ABHD5: variants seen among roughly 807,000 people sequenced by gnomAD.
ABHD5 encodes the protein abhydrolase domain containing 5, lysophosphatidic acid acyltransferase, also known as 1-acylglycerol-3-phosphate O-acyltransferase ABHD5.
In ABHD5, 30 loss-of-function variants were observed where a neutral mutation model predicts 44.9. The ratio of observed to expected loss-of-function variants is 0.67; its 90% CI spans 0.50 to 0.91. The LOEUF is 0.91. Among genes scored for constraint, ABHD5 ranks in the 40% least tolerant of loss-of-function variants. The pLI is 0.00. For missense variants in ABHD5, 399 were observed against 423.4 expected, an observed-to-expected ratio of 0.94 and a Z score of 0.50; for synonymous variants, 167 against 147.0, an observed-to-expected ratio of 1.14 and a Z score of -0.99.
chr3:43,726,579 T>C (rs1185549358), downstream of ABHD5, among the ~76,000 whole-genome samples: 1 of 152,228 alleles, frequency 6.6e-6, no homozygotes. Flanking sequence ...ATCTTTGTGA[T>C]GCACAATGAC....
intron 5 of ABHD5, among the ~76,000 whole-genome samples, chr3:43,716,692 C>T (rs561603535): frequency 1.3e-5 from 2 of 152,144 alleles, no homozygotes; most frequent in Non-Finnish European, 2.9e-5. Context: ...CTACACACTT[C>T]CAACAGTTTT....
chr3:43,727,547 G>A (rs774335036), downstream of ABHD5, among the ~76,000 whole-genome samples: 5 of 152,178 alleles, frequency 3.3e-5, no homozygotes, highest in Non-Finnish European at 7.3e-5. Context: ...CTCTAGAAGT[G>A]TAAATGAGAA....
chr3:43,714,489 G>A (rs965993878), intron 4 of ABHD5, among the ~76,000 whole-genome samples: 1 of 151,990 alleles, frequency 6.6e-6, no homozygotes, highest in Non-Finnish European at 1.5e-5. Flanking sequence ...ACCTTAGCAG[G>A]GAGTCTCGCT....
chr3:43,702,694 C>A, intron 3 of ABHD5, 107 bp downstream of exon 3: 1 of 1,519,144 alleles, frequency 6.6e-7, no homozygotes, highest in Non-Finnish European at 9.1e-7. Context: ...GGCAGACATT[C>A]TCTTAAAGGA....
chr3:43,726,964 A>G (rs1053318931), downstream of ABHD5, among the ~76,000 whole-genome samples: 2 of 152,170 alleles, frequency 1.3e-5, no homozygotes, highest in African/African-American at 4.8e-5. Context: ...TTTTGGTGGC[A>G]CTTGAACTCT....
intron 4 of ABHD5, among the ~76,000 whole-genome samples, chr3:43,712,530 G>A (rs1395501132): frequency 6.6e-6 from 1 of 152,132 alleles, no homozygotes; most frequent in African/African-American, 2.4e-5. Flanking sequence ...CACAGATAAT[G>A]ATGTTCTGAA....
chr3:43,711,844 A>G lies in ABHD5; in HGVS notation c.642A>G (p.Leu214=), dbSNP rs1370870533. The stretch of plus-strand genomic sequence containing the variant: ...CTCCCTTTAACCCTTTAGCTGGCCT[A>G]AGGATTGCAGGACCCTTTGGTGAGT... ...ALTPFNPLAG[L]RIAGPFGLSL... Residue 214 remains leucine, a synonymous_variant, in exon 4 of 7, where the codon CTA becomes CTG. Coordinates refer to ENST00000644371, the MANE Select transcript of ABHD5 (RefSeq NM_016006.6). 6.2e-7 allele frequency: 1 copy of G among 1,614,206 alleles called. No homozygotes were observed. The highest frequency in any genetic ancestry group is 8.5e-7 in the Non-Finnish European group (1 of 1,180,024).
Position 43,691,026 on chromosome 3 carries a change from G to C in ABHD5, c.34G>C (p.Asp12His). ...GGAGGAGGAGGAGGTGGACTCTGCC[G>C]ACACCGGAGAGAGGTAAGCGCAGCC... ...AAEEEEVDSA[D>H]TGERSGWLTG... Residue 12 changes from aspartate (D) to histidine (H), a missense_variant, in exon 1 of 7, where the codon GAC becomes CAC. Physicochemically the swap from Asp to His is moderately conservative, Grantham distance 81. Transcript: ENST00000644371. The C allele has an allele frequency of 6.4e-7, 1 of 1,562,558 alleles. No individual in the cohort carries two copies. Among genetic ancestry groups the C allele is most frequent in the Non-Finnish European group, 8.6e-7 (1 of 1,156,866 alleles).
rs2084557528 is a variant in ABHD5, at chr3:43,702,563, C to T, written c.482C>T (p.Ala161Val). 1.9e-6 allele frequency: 3 copies of T among 1,614,202 alleles called. No individual in the cohort carries two copies. The highest frequency in any genetic ancestry group is 2.5e-6 in the Non-Finnish European group (3 of 1,180,042). The change falls in exon 3 of 7, where the codon GCT (alanine) becomes GTT (valine). Residue 161 changes from alanine (A) to valine (V), a missense_variant. Ala to Val is a moderately conservative substitution (Grantham distance 64, BLOSUM62 0). Transcript: ENST00000644371. Reference protein sequence around the residue: ...GHNLGGFLAAAYSLKYPSRVN... With the variant: ...GHNLGGFLAAVYSLKYPSRVN... ...AACCTAGGTGGATTCTTGGCTGCTG[C>T]TTACTCGCTGAAGTACCCATCAAGG...
At chr3:43,701,182 C>T (rs907192682) in intron 2 of ABHD5, among the ~76,000 whole-genome samples, 3 of 152,140 alleles carry the variant, frequency 2.0e-5, no homozygotes, top group African/African-American at 7.2e-5. Context: ...AATACACAGA[C>T]GTATGTGTTC....
At chr3:43,711,040 G>T (rs2084682969) in intron 3 of ABHD5, among the ~76,000 whole-genome samples, 1 of 152,196 alleles carries the variant, frequency 6.6e-6, no homozygotes, top group East Asian at 1.9e-4. Context: ...AATTGGGAAA[G>T]AATTGAAAAC....
intron 7 of ABHD5, among the ~76,000 whole-genome samples, chr3:43,730,529 G>A (rs1261209250): frequency 7.3e-6 from 1 of 137,800 alleles, no homozygotes. Flanking sequence ...TTTTTGAGAC[G>A]GGATCTTCCC....
chr3:43,708,939 A>G (rs1215406709), intron 3 of ABHD5, among the ~76,000 whole-genome samples: 4 of 152,234 alleles, frequency 2.6e-5, no homozygotes, highest in African/African-American at 4.8e-5. Flanking sequence ...TCCAAACAGT[A>G]TAATTTTATT....
intron 2 of ABHD5, 73 bp downstream of exon 2, chr3:43,699,434 C>G: frequency 7.4e-7 from 1 of 1,356,042 alleles, no homozygotes. Flanking sequence ...TGCCCTGAAA[C>G]TGGAGGTAAG....
At chr3:43,708,806 A>G (rs549542332) in intron 3 of ABHD5, among the ~76,000 whole-genome samples, 6 of 152,204 alleles carry the variant, frequency 3.9e-5, no homozygotes, top group Non-Finnish European at 5.9e-5. Context: ...TAGCCCTTCT[A>G]TATTGTTTGG....
At chr3:43,694,570 TA>T (rs965785719) in intron 1 of ABHD5, among the ~76,000 whole-genome samples, 1 of 152,190 alleles carries the variant, frequency 6.6e-6, no homozygotes, top group Non-Finnish European at 1.5e-5. Context: ...GTGTGTTTGA[TA>T]ATGAGGTCAT....
chr3:43,716,334 A>G (rs745659083), intron 5 of ABHD5, among the ~76,000 whole-genome samples: 1 of 152,106 alleles, frequency 6.6e-6, no homozygotes, highest in Non-Finnish European at 1.5e-5. Context: ...ATCTCTAACA[A>G]ATACTCTGGT....
intron 1 of ABHD5, 184 bp downstream of exon 1, chr3:43,691,223 G>A (rs1189675534): frequency 1.2e-5 from 6 of 504,880 alleles, no homozygotes; most frequent in African/African-American, 4.0e-5. Flanking sequence ...GCTCTGCCTG[G>A]GAGAGGCTCC....
intron 4 of ABHD5, among the ~76,000 whole-genome samples, chr3:43,714,424 C>G (rs899439361): frequency 3.9e-5 from 6 of 152,160 alleles, no homozygotes; most frequent in Non-Finnish European, 4.4e-5. Context: ...TGAGCCATCA[C>G]GCCTGGGTGT....
Sources: gnomAD v4.1 joint callset for allele counts (sites outside exome capture counted in the v4.1 genomes callset) on GRCh38, gnomAD v4.1.1 for gene constraint, MANE v1.5 for transcripts, NCBI Gene and HGNC (gene_info 2026-07-23, HGNC 2026-07-21) for gene names.